PPP2R2C: variants seen among roughly 807,000 people sequenced by gnomAD.
PPP2R2C encodes protein phosphatase 2, regulatory subunit B, gamma.
In PPP2R2C, 10 loss-of-function variants were observed where a neutral mutation model predicts 45.3. The observed-to-expected ratio is 0.22, with a 90% CI of 0.14 to 0.37. PPP2R2C has a LOEUF of 0.37. PPP2R2C is among the 10% of genes least tolerant of loss of function. PPP2R2C has a pLI of 1.00. For missense variants in PPP2R2C, 308 were observed against 619.7 expected (o/e 0.50, Z 5.34); for synonymous variants, 257 against 245.4 (o/e 1.05, Z -0.44).
intron 1 of PPP2R2C, among the ~76,000 whole-genome samples, chr4:6,543,021 G>A (rs542675477): frequency 1.2e-3 from 177 of 152,316 alleles, no homozygotes; most frequent in Non-Finnish European, 1.9e-3. Context: ...TTGGCCAACA[G>A]AGTGGACTCA....
At position 6,333,721 on chromosome 4, in the gene PPP2R2C, C is replaced by T; in HGVS notation, c.801G>A (p.Glu267=). The change falls in exon 7 of 9, where the codon GAG becomes GAA. Residue 267 remains glutamate (E), a synonymous_variant. Coordinates refer to ENST00000382599, the MANE Select transcript of PPP2R2C (RefSeq NM_020416.4). ...ATGAGCGGTTACTGGGGTCCTCAGGCTCTTCAAAGACTGTGGAGACAGAGA... is the reference window on the plus strand; with the variant it reads ...ATGAGCGGTTACTGGGGTCCTCAGGTTCTTCAAAGACTGTGGAGACAGAGA... ...LCDKHSKLFE[E]PEDPSNRSFF... The T allele has an allele frequency of 1.9e-6, 3 of 1,614,116 alleles. No homozygotes were observed. The highest frequency in any genetic ancestry group is 2.2e-5 in the East Asian group (1 of 44,888).
chr4:6,550,972 C>T (rs1308825936), intron 1 of PPP2R2C, among the ~76,000 whole-genome samples: 1 of 152,210 alleles, frequency 6.6e-6, no homozygotes, highest in Non-Finnish European at 1.5e-5. Flanking sequence ...TTTGGTCTCT[C>T]TCTAGAAAGA....
At chr4:6,440,116 G>A (rs1720079966) in intron 1 of PPP2R2C, among the ~76,000 whole-genome samples, 1 of 152,080 alleles carries the variant, frequency 6.6e-6, no homozygotes, top group African/African-American at 2.4e-5. Context: ...TGACATTATG[G>A]TTGTCTTTCT....
rs972691280 is a variant in PPP2R2C at position 6,367,334 on chromosome 4, G to A, written c.625+5189C>T. On this transcript the variant is annotated intron_variant, in intron 5 of 8. Transcript: ENST00000382599. Reference sequence around the variant, plus strand: ...GCGACATGGTGGAAAACCTCCAGTGGGCACGGAGGACTGAACAGTGTCATC... The same window carrying A: ...GCGACATGGTGGAAAACCTCCAGTGAGCACGGAGGACTGAACAGTGTCATC... 5.9e-5 allele frequency among the ~76,000 whole-genome samples: 9 copies of A among 152,234 alleles called. 1 individual carries two copies. Among genetic ancestry groups the A allele is most frequent in the Admixed American group, 2.6e-4 (4 of 15,294 alleles).
intron 1 of PPP2R2C, among the ~76,000 whole-genome samples, chr4:6,441,784 C>T (rs1015178237): frequency 3.3e-5 from 5 of 152,226 alleles, no homozygotes; most frequent in Non-Finnish European, 7.3e-5. Flanking sequence ...ACATGCAACA[C>T]GATGGCCCCA....
Position 6,377,613 on chromosome 4 carries a change from C to T in PPP2R2C, c.334+794G>A, listed in dbSNP as rs1715432959. ...GGCGGAGGTTGCCGTGAGCAGAGAT[C>T]GCGCCACTCTACCCCAGCCTGGGTG... is the stretch of plus-strand genomic sequence containing the variant. On this transcript the variant is annotated intron_variant, in intron 3 of 8. Coordinates refer to ENST00000382599, the MANE Select transcript of PPP2R2C (RefSeq NM_020416.4). 4.6e-5 allele frequency among the ~76,000 whole-genome samples: 7 copies of T among 152,138 alleles called. No homozygotes were observed. In the South Asian group the frequency reaches 1.2e-3, roughly 27 times the overall value.
intron 1 of PPP2R2C, among the ~76,000 whole-genome samples, chr4:6,409,794 C>A (rs570560759): frequency 1.3e-5 from 2 of 152,238 alleles, no homozygotes; most frequent in Admixed American, 1.3e-4. Flanking sequence ...GGTCTCTGGC[C>A]CCAGGGAACA....
At chr4:6,534,318 T>A in intron 2 of PPP2R2C, among the ~76,000 whole-genome samples, 1 of 125,066 alleles carries the variant, frequency 8.0e-6, no homozygotes, top group Non-Finnish European at 1.6e-5. Flanking sequence ...CATACACACA[T>A]CAAAAAACAC....
rs866362727 is a variant in PPP2R2C at position 6,320,951 on chromosome 4, C to G, written c.*2351G>C. The G allele has an allele frequency of 4.6e-5, 7 of 152,180 alleles. No individual in the cohort carries two copies. Among genetic ancestry groups the G allele is most frequent in the African/African-American group, 1.7e-4 (7 of 41,452 alleles). 9.4% of individuals were successfully genotyped at this position (152,180 alleles called of 1,614,324 possible). A position where few individuals can be genotyped will look rare whatever the true frequency, so the allele number is the denominator to read the frequency against. On this transcript the variant is annotated 3_prime_UTR_variant, in exon 9 of 9. Coordinates refer to ENST00000382599, the MANE Select transcript of PPP2R2C (RefSeq NM_020416.4). ...TCCTTCCACCGTTTCTGGTTTTGTC[C>G]CTCCCCTCGACACCTTTTCTTAACA...
chr4:6,517,071 T>A (rs540005340), intron 2 of PPP2R2C, among the ~76,000 whole-genome samples: 5 of 152,222 alleles, frequency 3.3e-5, no homozygotes, highest in African/African-American at 1.2e-4. Context: ...TAACTGTGAG[T>A]GGCTTTCCCC....
intron 1 of PPP2R2C, among the ~76,000 whole-genome samples, chr4:6,411,891 C>T (rs1454240938): frequency 6.6e-6 from 1 of 152,212 alleles, no homozygotes; most frequent in Non-Finnish European, 1.5e-5. Flanking sequence ...TCCCAGTGGC[C>T]CTGCCATATT....
At chr4:6,424,994 T>C (rs1324376899) in intron 1 of PPP2R2C, among the ~76,000 whole-genome samples, 1 of 152,202 alleles carries the variant, frequency 6.6e-6, no homozygotes, top group African/African-American at 2.4e-5. Context: ...TCTCTACTTT[T>C]AGGGCCATCA....
chr4:6,526,997 G>C (rs1724228154), intron 2 of PPP2R2C, among the ~76,000 whole-genome samples: 1 of 152,168 alleles, frequency 6.6e-6, no homozygotes, highest in African/African-American at 2.4e-5. Context: ...GGATCCCAAA[G>C]AGTGGGAGAC....
intron 5 of PPP2R2C, among the ~76,000 whole-genome samples, chr4:6,353,420 C>T (rs1300428983): frequency 1.1e-3 from 82 of 75,648 alleles, no homozygotes; most frequent in African/African-American, 4.3e-3. Flanking sequence ...CCCTCCACAC[C>T]GACAGCCCCC....
In PPP2R2C at chr4:6,382,181, G is replaced by A. The variant is rs1240113470; in HGVS notation, c.71-1087C>T. ...CATTTCCAGTATGTCTTGGAAGATG[G>A]AAAGTTCTAGAATACCATCCCCATA... On this transcript the variant is annotated intron_variant, in intron 1 of 8. Transcript: ENST00000382599. The A allele has an allele frequency of 2.0e-5, 24 of 1,192,616 alleles. No individual in the cohort carries two copies. The South Asian group carries it at 3.7e-4, about 18-fold the overall frequency. The allele number at this position is 1,192,616 out of a possible 1,614,324, so 73.9% of individuals were successfully genotyped here. A position where few individuals can be genotyped will look rare whatever the true frequency, so the allele number is the denominator to read the frequency against.
At chr4:6,520,225 T>C (rs1331499305) in intron 2 of PPP2R2C, among the ~76,000 whole-genome samples, 3 of 151,954 alleles carry the variant, frequency 2.0e-5, no homozygotes, top group African/African-American at 7.3e-5. Context: ...GGGTGGGAGA[T>C]GTGCAGAGGA....
intron 4 of PPP2R2C, among the ~76,000 whole-genome samples, chr4:6,373,838 T>A (rs1427488004): frequency 6.6e-6 from 1 of 151,918 alleles, no homozygotes. Context: ...CATGTATGAG[T>A]GTGTGCATAT....
chr4:6,337,652 G>C (rs190208881), intron 6 of PPP2R2C, among the ~76,000 whole-genome samples: 1 of 152,264 alleles, frequency 6.6e-6, no homozygotes, highest in East Asian at 1.9e-4. Context: ...CAGAATCACA[G>C]GGGGCACCGG....
intron 1 of PPP2R2C, among the ~76,000 whole-genome samples, chr4:6,445,879 C>T (rs1011173041): frequency 2.0e-5 from 3 of 152,210 alleles, no homozygotes; most frequent in Admixed American, 6.5e-5. Context: ...CCCACAGTGT[C>T]GCAGAACATA....
Sources: allele counts gnomAD v4.1 joint callset (sites outside exome capture counted in the v4.1 genomes callset), GRCh38; gene constraint gnomAD v4.1.1; transcripts MANE v1.5; gene names NCBI Gene and HGNC (gene_info 2026-07-23, HGNC 2026-07-21).